Variants in RAPGEF5 observed in about 807,000 individuals in gnomAD.
The protein encoded by RAPGEF5 is Rap guanine nucleotide exchange factor 5, also known as M-Ras-regulated GEF.
In RAPGEF5, 65 loss-of-function variants were observed where a neutral mutation model predicts 125.2. That is an observed-to-expected ratio of 0.52 (90% CI 0.43 to 0.64). The LOEUF is 0.64. Ranked by LOEUF, RAPGEF5 falls within the 30% of genes least tolerant of loss-of-function variation. The pLI is 0.00. For missense variants in RAPGEF5, 958 were observed against 1,048.1 expected (o/e 0.91, Z 1.19); for synonymous variants, 391 against 385.9 (o/e 1.01, Z -0.16).
rs568767232 is a variant in RAPGEF5, at chr7:22,226,725, C to A, written c.870+4121G>T. ...TGGGGCATCAGGGAGCTTTAGAAAT[C>A]ATTTCATAATTCCTAGCCCGTCACT... On this transcript the variant is annotated intron_variant, in intron 8 of 25. Transcript: ENST00000665637. 1.6e-4 allele frequency among the ~76,000 whole-genome samples: 25 copies of A among 152,258 alleles called. No individual in the cohort carries two copies. The South Asian group carries it at 4.8e-3, about 29-fold the overall frequency.
chr7:22,311,161 G>A (rs534021662), intron 3 of RAPGEF5, among the ~76,000 whole-genome samples: 18 of 152,182 alleles, frequency 1.2e-4, no homozygotes, highest in African/African-American at 4.1e-4. Flanking sequence ...GAGTAGCTAG[G>A]AGTACAGGTG....
Position 22,162,964 on chromosome 7 carries a change from T to C in RAPGEF5, c.1284-423A>G, listed in dbSNP as rs768846476. On this transcript the variant is annotated intron_variant, in intron 12 of 25. Transcript: ENST00000665637. ...GCTGTCTAGTCCTCAGAAATTCACA[T>C]TCTGTAAAACCAGGTGCTTCTAAAG... 5.5e-4 allele frequency: 253 copies of C among 457,656 alleles called. 3 individuals carry two copies. The highest frequency in any genetic ancestry group is 3.8e-3 in the South Asian group (246 of 64,566). 28.3% of individuals were successfully genotyped at this position (457,656 alleles called of 1,614,324 possible).
chr7:22,126,934 CT>C (rs1782765973), intron 24 of RAPGEF5, among the ~76,000 whole-genome samples: 1 of 151,954 alleles, frequency 6.6e-6, no homozygotes, highest in Non-Finnish European at 1.5e-5. Flanking sequence ...ACATCAACAT[CT>C]TTAGAGACCA....
At chr7:22,272,691 G>C (rs1241190838) in intron 6 of RAPGEF5, among the ~76,000 whole-genome samples, 2 of 152,116 alleles carry the variant, frequency 1.3e-5, no homozygotes, top group African/African-American at 4.8e-5. Context: ...TGTTAAGCTA[G>C]TATGGACTTT....
intron 1 of RAPGEF5, among the ~76,000 whole-genome samples, chr7:22,334,048 T>C (rs894227935): frequency 6.6e-6 from 1 of 152,258 alleles, no homozygotes; most frequent in Non-Finnish European, 1.5e-5. Flanking sequence ...GAGCTGCTAA[T>C]GAGAGAGCTG....
At chr7:22,215,836 T>C (rs905614005) in intron 9 of RAPGEF5, among the ~76,000 whole-genome samples, 1 of 152,172 alleles carries the variant, frequency 6.6e-6, no homozygotes, top group Non-Finnish European at 1.5e-5. Context: ...GTAGTCCCCA[T>C]AGTGTTTGCC....
intron 5 of RAPGEF5, among the ~76,000 whole-genome samples, chr7:22,298,126 TTA>T (rs1421493911): frequency 1.3e-5 from 2 of 152,090 alleles, no homozygotes; most frequent in Non-Finnish European, 2.9e-5. Context: ...TTTATAATTT[TTA>T]TATGTGAGGA....
At chr7:22,333,222 A>G (rs1202359674) in intron 1 of RAPGEF5, among the ~76,000 whole-genome samples, 2 of 152,228 alleles carry the variant, frequency 1.3e-5, no homozygotes, top group South Asian at 4.1e-4. Context: ...AAGTATTTAC[A>G]TATTTAAAAT....
chr7:22,220,701 A>G (rs1451074919), intron 8 of RAPGEF5, among the ~76,000 whole-genome samples: 1 of 144,054 alleles, frequency 6.9e-6, no homozygotes, highest in African/African-American at 2.6e-5. Context: ...AGGTGAATCT[A>G]AGACTTTGAA....
intron 8 of RAPGEF5, among the ~76,000 whole-genome samples, chr7:22,229,198 T>A (rs1358611081): frequency 1.3e-5 from 2 of 152,086 alleles, no homozygotes; most frequent in Non-Finnish European, 2.9e-5. Flanking sequence ...AACAGGGAGT[T>A]TCTTAAGCAG....
chr7:22,233,612 A>AT (rs1786114212), intron 7 of RAPGEF5, among the ~76,000 whole-genome samples: 1 of 152,126 alleles, frequency 6.6e-6, no homozygotes, highest in Non-Finnish European at 1.5e-5. Flanking sequence ...GCCTCACTGC[A>AT]TGCTGGACTT....
chr7:22,269,485 C>T (rs1048512384), intron 6 of RAPGEF5, among the ~76,000 whole-genome samples: 2 of 152,024 alleles, frequency 1.3e-5, no homozygotes, highest in African/African-American at 2.4e-5. Context: ...AAGAGACAAC[C>T]CTATTTATAC....
intron 1 of RAPGEF5, chr7:22,356,193 C>T (rs1450814985): frequency 1.0e-6 from 1 of 985,280 alleles, no homozygotes; most frequent in Non-Finnish European, 1.2e-6. Context: ...ACCAGGAAAT[C>T]GTATCTGAAC....
chr7:22,293,327 C>A (rs1473388038), intron 5 of RAPGEF5, among the ~76,000 whole-genome samples: 1 of 152,186 alleles, frequency 6.6e-6, no homozygotes, highest in African/African-American at 2.4e-5. Context: ...TCCTCTCTTA[C>A]CTCCTGCCCT....
At chr7:22,159,182 C>T (rs2128110663) in intron 14 of RAPGEF5, among the ~76,000 whole-genome samples, 1 of 152,170 alleles carries the variant, frequency 6.6e-6, no homozygotes, top group South Asian at 2.1e-4. Flanking sequence ...TTCATTAGTT[C>T]ATATTTTCAT....
chr7:22,285,614 C>T (rs1213801286), intron 6 of RAPGEF5, among the ~76,000 whole-genome samples: 1 of 152,098 alleles, frequency 6.6e-6, no homozygotes, highest in East Asian at 1.9e-4. Context: ...CCAAGAAGGA[C>T]AAACTAAAGG....
At chr7:22,174,367 T>A (rs1001435974) in intron 11 of RAPGEF5, among the ~76,000 whole-genome samples, 1 of 152,142 alleles carries the variant, frequency 6.6e-6, no homozygotes, top group Admixed American at 6.5e-5. Context: ...TCTTGTTTAG[T>A]CCCTAGAGAT....
At chr7:22,276,943 T>C (rs1300247305) in intron 6 of RAPGEF5, among the ~76,000 whole-genome samples, 1 of 152,226 alleles carries the variant, frequency 6.6e-6, no homozygotes, top group Admixed American at 6.5e-5. Context: ...CAGTCTTTAA[T>C]TGCTTTAATA....
intron 1 of RAPGEF5, among the ~76,000 whole-genome samples, chr7:22,340,231 T>C (rs1784100085): frequency 6.6e-6 from 1 of 152,080 alleles, no homozygotes; most frequent in South Asian, 2.1e-4. Context: ...GCGCCTGAGC[T>C]GATTCAGAGA....
Sources: allele counts gnomAD v4.1 joint callset (sites outside exome capture counted in the v4.1 genomes callset), GRCh38; gene constraint gnomAD v4.1.1; transcripts MANE v1.5; gene names NCBI Gene and HGNC (gene_info 2026-07-23, HGNC 2026-07-21).